Variants in SNRPD1 observed in about 807,000 individuals in gnomAD.
SNRPD1 encodes small nuclear ribonucleoprotein Sm D1.
SNRPD1 carries 1 observed loss-of-function variant against 14.4 expected under a neutral mutation model. That is an observed-to-expected ratio of 0.07 (90% CI 0.02 to 0.33). SNRPD1 has a LOEUF of 0.33. Among genes scored for constraint, SNRPD1 ranks in the 10% least tolerant of loss-of-function variants. SNRPD1 has a pLI of 1.00. For synonymous variants in SNRPD1, 42 were observed against 50.3 expected (o/e 0.83, Z 0.70); for missense variants, 52 against 146.4 (o/e 0.36, Z 3.33).
At chr18:21,613,211 C>G (rs938031244) in intron 1 of SNRPD1, among the ~76,000 whole-genome samples, 1 of 152,162 alleles carries the variant, frequency 6.6e-6, no homozygotes, top group Admixed American at 6.6e-5. Flanking sequence ...TTAGGTGAGT[C>G]TTCTGAAAAC....
At chr18:21,612,536 A>G in intron 1 of SNRPD1, 93 bp downstream of exon 1, 1 of 1,013,232 alleles carries the variant, frequency 9.9e-7, no homozygotes, top group Non-Finnish European at 1.4e-6. Flanking sequence ...AGGAGGCGGG[A>G]AAGCCGCGTG....
At chr18:21,623,687 G>A (rs2039014840) in intron 2 of SNRPD1, 61 bp from the exon 3 acceptor site, 1 of 1,192,316 alleles carries the variant, frequency 8.4e-7, no homozygotes. Flanking sequence ...TGGCTCAGTA[G>A]ATTAATTAGT....
At chr18:21,613,035 A>G (rs957070863) in intron 1 of SNRPD1, among the ~76,000 whole-genome samples, 1 of 151,980 alleles carries the variant, frequency 6.6e-6, no homozygotes, top group Non-Finnish European at 1.5e-5. Flanking sequence ...TCCTCCTTAG[A>G]TTTGTGATTG....
rs1378916915 is a variant in SNRPD1, at chr18:21,623,904, T to C, written c.248T>C (p.Val83Ala). 2 of 1,603,324 alleles carry C rather than the reference T, an allele frequency of 1.2e-6. No individual in the cohort carries two copies. Among genetic ancestry groups the C allele is most frequent in the Non-Finnish European group, 1.7e-6 (2 of 1,177,150 alleles). Residue 83 changes from valine to alanine, a missense_variant, in exon 3 of 4, where the codon GTT becomes GCT. Physicochemically the swap from Val to Ala is moderately conservative, Grantham distance 64. Transcript: ENST00000300413. Reference protein sequence around the residue: ...SLPLDTLLVDVEPKVKSKKRE... With the variant: ...SLPLDTLLVDAEPKVKSKKRE... ...CCTCTGGATACACTACTTGTGGATGTTGAACCTAAGGTGAAATCTAAGAAA... is the reference window on the plus strand; with the variant it reads ...CCTCTGGATACACTACTTGTGGATGCTGAACCTAAGGTGAAATCTAAGAAA...
intron 1 of SNRPD1, among the ~76,000 whole-genome samples, chr18:21,621,356 AT>A (rs948190047): frequency 6.6e-6 from 1 of 152,110 alleles, no homozygotes; most frequent in Non-Finnish European, 1.5e-5. Context: ...AAATTTTGAC[AT>A]TTCCATATAG....
intron 1 of SNRPD1, among the ~76,000 whole-genome samples, chr18:21,613,149 T>A (rs1038629734): frequency 1.3e-5 from 2 of 152,228 alleles, no homozygotes; most frequent in African/African-American, 4.8e-5. Flanking sequence ...ATTACTCAGA[T>A]AATATATAGT....
chr18:21,624,083 A>G, intron 3 of SNRPD1, 144 bp downstream of exon 3: 1 of 626,888 alleles, frequency 1.6e-6, no homozygotes, highest in East Asian at 2.9e-5. Context: ...TGGTGTTGCT[A>G]TTAAAAACAT....
chr18:21,617,946 T>TTGCA (rs1393973851), intron 1 of SNRPD1, among the ~76,000 whole-genome samples: 1 of 152,176 alleles, frequency 6.6e-6, no homozygotes, highest in African/African-American at 2.4e-5. Flanking sequence ...GATTGCGCTA[T>TTGCA]TGCACTCCAG....
intron 3 of SNRPD1, among the ~76,000 whole-genome samples, chr18:21,626,438 A>T (rs190240284): frequency 9.9e-5 from 15 of 151,218 alleles, no homozygotes; most frequent in Admixed American, 3.3e-4. Flanking sequence ...AAATTAAATA[A>T]TGAAAATGAG....
chr18:21,620,001 C>G (rs978185826), intron 1 of SNRPD1, among the ~76,000 whole-genome samples: 2 of 151,894 alleles, frequency 1.3e-5, no homozygotes. Flanking sequence ...GTCACCCAGG[C>G]TGCAGTGCAA....
Position 21,625,730 on chromosome 18 carries a change from C to T in SNRPD1, c.283+1791C>T, listed in dbSNP as rs918873754. Among the ~76,000 whole-genome samples, 4 of 152,150 alleles carry T rather than the reference C, an allele frequency of 2.6e-5. No individual in the cohort carries two copies. The East Asian group carries it at 5.8e-4, about 22-fold the overall frequency. On this transcript the variant is annotated intron_variant, in intron 3 of 3. Coordinates refer to ENST00000300413, the MANE Select transcript of SNRPD1 (RefSeq NM_006938.4). ...GGTTCACACCATTGTCCTGCCTCTG[C>T]CTCTCCAGTAGCTGGGACCACAGGC...
intron 3 of SNRPD1, among the ~76,000 whole-genome samples, chr18:21,625,879 G>A (rs1228833726): frequency 6.6e-6 from 1 of 152,120 alleles, no homozygotes; most frequent in Non-Finnish European, 1.5e-5. Flanking sequence ...TAAGTGCTGG[G>A]ATTACAGGCG....
At chr18:21,623,662 G>A (rs2039014673) in intron 2 of SNRPD1, 86 bp from the exon 3 acceptor site, 1 of 933,112 alleles carries the variant, frequency 1.1e-6, no homozygotes, top group Non-Finnish European at 1.7e-6. Flanking sequence ...ATCTTTTGTA[G>A]TCCAGTATTT....
intron 1 of SNRPD1, among the ~76,000 whole-genome samples, chr18:21,615,807 A>G (rs2038953181): frequency 6.6e-6 from 1 of 152,178 alleles, no homozygotes; most frequent in African/African-American, 2.4e-5. Context: ...TTAGCTTTTT[A>G]AGAAATTTCC....
At chr18:21,625,315 A>ATTTTTTT (rs748864232) in intron 3 of SNRPD1, among the ~76,000 whole-genome samples, 10 of 98,264 alleles carry the variant, frequency 1.0e-4, no homozygotes, top group African/African-American at 3.0e-4. Flanking sequence ...TGTTGAAAAA[A>ATTTTTTT]ATTTTTTTTT....
At chr18:21,614,353 A>C (rs922019128) in intron 1 of SNRPD1, among the ~76,000 whole-genome samples, 1 of 152,142 alleles carries the variant, frequency 6.6e-6, no homozygotes, top group Admixed American at 6.5e-5. Context: ...TGTGTAATAC[A>C]CCTTGGATTC....
intron 1 of SNRPD1, among the ~76,000 whole-genome samples, chr18:21,619,683 G>A (rs1271388778): frequency 6.6e-6 from 1 of 151,628 alleles, no homozygotes; most frequent in Non-Finnish European, 1.5e-5. Flanking sequence ...GGGAGGCTGA[G>A]GCAGGAGAAT....
chr18:21,622,572 T>A (rs552531018), intron 1 of SNRPD1, among the ~76,000 whole-genome samples, 153 bp from the exon 2 acceptor site: 10 of 152,222 alleles, frequency 6.6e-5, no homozygotes, highest in Non-Finnish European at 1.3e-4. Context: ...AGGATATAAT[T>A]CAGGAAAGCT....
chr18:21,626,178 A>C (rs984371525), intron 3 of SNRPD1, among the ~76,000 whole-genome samples: 1 of 151,204 alleles, frequency 6.6e-6, no homozygotes, highest in African/African-American at 2.4e-5. Flanking sequence ...AGATCGCCTG[A>C]ACTCGGAAGT....
Sources: gnomAD v4.1 joint callset for allele counts (sites outside exome capture counted in the v4.1 genomes callset) on GRCh38, gnomAD v4.1.1 for gene constraint, MANE v1.5 for transcripts, NCBI Gene and HGNC (gene_info 2026-07-23, HGNC 2026-07-21) for gene names.